The following FAM81A variants were observed in gnomAD, a reference collection of about 807,000 sequenced individuals.
The protein encoded by FAM81A is family with sequence similarity 81 member A.
In FAM81A, 19 loss-of-function variants were observed where a neutral mutation model predicts 46.7. That is an observed-to-expected ratio of 0.41 (90% CI 0.28 to 0.60). FAM81A has a LOEUF of 0.60. Among genes scored for constraint, FAM81A ranks in the 20% least tolerant of loss-of-function variants. The pLI, the probability that FAM81A is intolerant of heterozygous loss-of-function variation, is 0.34. For synonymous variants in FAM81A, 183 were observed against 152.9 expected, an observed-to-expected ratio of 1.20 and a Z score of -1.45; for missense variants, 377 against 453.5, an observed-to-expected ratio of 0.83 and a Z score of 1.53.
intron 8 of FAM81A, among the ~76,000 whole-genome samples, chr15:59,519,476 C>A (rs768489573): frequency 9.7e-5 from 14 of 144,308 alleles, no homozygotes; most frequent in Non-Finnish European, 2.1e-4. Flanking sequence ...CCCTCCTTTC[C>A]TTCCTTCCTT....
chr15:59,449,459 A>G (rs192478398), intron 1 of FAM81A, among the ~76,000 whole-genome samples: 13 of 152,284 alleles, frequency 8.5e-5, no homozygotes, highest in Admixed American at 5.9e-4. Flanking sequence ...GATTTGGCAT[A>G]TTATTTGGCA....
chr15:59,419,735 G>A (rs1335750817), intron 2 of FAM81A, among the ~76,000 whole-genome samples: 3 of 152,098 alleles, frequency 2.0e-5, no homozygotes, highest in African/African-American at 7.2e-5. Context: ...TTGGCCGGGC[G>A]TGCTGGCGGA....
chr15:59,453,517 A>G (rs1365344910), intron 1 of FAM81A, among the ~76,000 whole-genome samples: 5 of 152,194 alleles, frequency 3.3e-5, no homozygotes, highest in African/African-American at 7.2e-5. Context: ...CGCTGAGATC[A>G]TACAGCTAGT....
chr15:59,503,350 A>G (rs946071001), intron 4 of FAM81A, among the ~76,000 whole-genome samples: 4 of 118,236 alleles, frequency 3.4e-5, no homozygotes, highest in Non-Finnish European at 6.9e-5. Flanking sequence ...CATAAGTAAT[A>G]ATAAGATAAT....
At chr15:59,470,128 G>A (rs1243691297) in intron 3 of FAM81A, among the ~76,000 whole-genome samples, 1 of 152,240 alleles carries the variant, frequency 6.6e-6, no homozygotes, top group East Asian at 1.9e-4. Flanking sequence ...TTTCTGTCTG[G>A]CTGCCGTTAA....
chr15:59,451,957 T>C (rs545691704), intron 1 of FAM81A, among the ~76,000 whole-genome samples: 1 of 152,364 alleles, frequency 6.6e-6, no homozygotes, highest in South Asian at 2.1e-4. Context: ...ATGTGCCAAG[T>C]GCTTGGGATA....
At chr15:59,516,126 GTT>G (rs540042022) in intron 7 of FAM81A, among the ~76,000 whole-genome samples, 14 of 136,484 alleles carry the variant, frequency 1.0e-4, no homozygotes, top group Non-Finnish European at 8.0e-5. Context: ...GAATGTAGTG[GTT>G]TTTTTTTTTT....
intron 4 of FAM81A, among the ~76,000 whole-genome samples, chr15:59,498,813 C>T (rs967702408): frequency 6.6e-6 from 1 of 152,136 alleles, no homozygotes; most frequent in Non-Finnish European, 1.5e-5. Context: ...TGCCACCATG[C>T]CCAGCTAATT....
At chr15:59,433,430 A>T (rs1003286824), upstream of FAM81A, among the ~76,000 whole-genome samples, 4 of 152,164 alleles carry the variant, frequency 2.6e-5, no homozygotes, top group Non-Finnish European at 5.9e-5. Context: ...TATTAAAAGG[A>T]TCTTCTCAAT....
chr15:59,405,600 C>T (rs1404796320), intron 2 of FAM81A, among the ~76,000 whole-genome samples: 1 of 151,956 alleles, frequency 6.6e-6, no homozygotes, highest in Non-Finnish European at 1.5e-5. Context: ...GAGATCACGC[C>T]ACTGCACACC....
intron 2 of FAM81A, among the ~76,000 whole-genome samples, chr15:59,407,485 C>T (rs1030740846): frequency 4.6e-5 from 7 of 151,758 alleles, no homozygotes; most frequent in African/African-American, 1.2e-4. Context: ...TTAGTAGAGA[C>T]GGGGTTTCAC....
At chr15:59,432,358 C>T (rs993787663) in intron 2 of FAM81A, among the ~76,000 whole-genome samples, 2 of 152,216 alleles carry the variant, frequency 1.3e-5, no homozygotes, top group Non-Finnish European at 2.9e-5. Context: ...TTAATTTGCT[C>T]CCTCAAAATA....
intron 3 of FAM81A, among the ~76,000 whole-genome samples, chr15:59,476,194 A>G (rs2081765365): frequency 6.6e-6 from 1 of 151,404 alleles, no homozygotes; most frequent in African/African-American, 2.4e-5. Flanking sequence ...TCCTAATACC[A>G]TCACATCAAG....
intron 3 of FAM81A, among the ~76,000 whole-genome samples, chr15:59,472,823 A>G (rs149811697): frequency 1.3e-4 from 20 of 152,284 alleles, no homozygotes; most frequent in Middle Eastern, 3.4e-3. Flanking sequence ...AAGAAGTGCA[A>G]TGACCTCAGA....
chr15:59,488,188 G>A (rs563446764), intron 3 of FAM81A, among the ~76,000 whole-genome samples: 91 of 152,252 alleles, frequency 6.0e-4, no homozygotes, highest in African/African-American at 2.1e-3. Context: ...CATATCAACC[G>A]ATGCTGAAAA....
chr15:59,434,609 C>A (rs1470549321), upstream of FAM81A, among the ~76,000 whole-genome samples: 1 of 152,224 alleles, frequency 6.6e-6, no homozygotes, highest in African/African-American at 2.4e-5. Flanking sequence ...TCTGGGTCTT[C>A]CTCATTGCTC....
Position 59,459,952 on chromosome 15 carries a change from C to T in FAM81A, c.40C>T (p.Arg14Ter), listed in dbSNP as rs2081530999. The T allele has an allele frequency of 2.5e-6, 4 of 1,605,338 alleles. No individual in the cohort carries two copies. The highest frequency in any genetic ancestry group is 1.1e-5 in the South Asian group (1 of 90,134). Residue 14 changes from arginine to a stop codon, truncating the protein, a stop_gained, in exon 3 of 9, where the codon CGA becomes TGA. Coordinates refer to ENST00000288228, the MANE Select transcript of FAM81A (RefSeq NM_152450.3). LOFTEE classifies it high-confidence loss of function. ...MHLRRVRTMP[R>*]HSQSLTMAPY... ...CTGCAGGCGAGTGAGAACCATGCCC[C>T]GACACAGCCAGTCCCTGACCATGGC...
At chr15:59,516,090 A>G (rs1280229937) in intron 7 of FAM81A, among the ~76,000 whole-genome samples, 7 of 151,660 alleles carry the variant, frequency 4.6e-5, no homozygotes, top group African/African-American at 1.2e-4. Flanking sequence ...GGAAGCTGCC[A>G]TATACACTTG....
At chr15:59,432,732 G>T (rs1281160983) in intron 2 of FAM81A, among the ~76,000 whole-genome samples, 1 of 152,174 alleles carries the variant, frequency 6.6e-6, no homozygotes, top group East Asian at 1.9e-4. Flanking sequence ...ATAAACATTG[G>T]CTATGATTGC....
Sources: gnomAD v4.1 joint callset for allele counts (sites outside exome capture counted in the v4.1 genomes callset) on GRCh38, gnomAD v4.1.1 for gene constraint, MANE v1.5 for transcripts, NCBI Gene and HGNC (gene_info 2026-07-23, HGNC 2026-07-21) for gene names.